TBPL1: variants seen among roughly 807,000 people sequenced by gnomAD.
TBPL1 encodes TATA box-binding protein-like 1.
In TBPL1, 4 loss-of-function variants were observed where a neutral mutation model predicts 22.1. The observed-to-expected ratio is 0.18, with a 90% CI of 0.09 to 0.41. The LOEUF (loss-of-function observed/expected upper bound fraction) is 0.41. Ranked by LOEUF, TBPL1 falls within the 10% of genes least tolerant of loss-of-function variation. TBPL1 has a pLI of 1.00. For missense variants in TBPL1, 115 were observed against 222.3 expected, an observed-to-expected ratio of 0.52 and a Z score of 3.07; for synonymous variants, 64 against 71.0, an observed-to-expected ratio of 0.90 and a Z score of 0.50.
chr6:133,956,502 G>T (rs1310916386), intron 1 of TBPL1, among the ~76,000 whole-genome samples: 1 of 152,160 alleles, frequency 6.6e-6, no homozygotes, highest in East Asian at 1.9e-4. Context: ...CACTATTGGT[G>T]AATGGACTTC....
intron 4 of TBPL1, among the ~76,000 whole-genome samples, chr6:133,983,343 A>C (rs1776449383): frequency 6.6e-6 from 1 of 152,230 alleles, no homozygotes; most frequent in Non-Finnish European, 1.5e-5. Flanking sequence ...TATACCTTTG[A>C]ATAAAACGAT....
chr6:133,980,572 T>C (rs940580733), intron 2 of TBPL1, among the ~76,000 whole-genome samples: 2 of 151,962 alleles, frequency 1.3e-5, no homozygotes, highest in African/African-American at 2.4e-5. Flanking sequence ...AATATGATTA[T>C]ATTTGAATTA....
intron 2 of TBPL1, 97 bp from the exon 3 acceptor site, chr6:133,982,471 T>C: frequency 9.7e-7 from 1 of 1,030,224 alleles, no homozygotes; most frequent in Non-Finnish European, 1.4e-6. Context: ...TTGGATAAGC[T>C]TGGAGAGTAG....
In TBPL1 at chr6:133,984,379, A is replaced by G; in HGVS notation, c.286A>G (p.Ile96Val). The G allele has an allele frequency of 3.1e-6, 5 of 1,606,832 alleles. No individual in the cohort carries two copies. The highest frequency in any genetic ancestry group is 4.2e-6 in the Non-Finnish European group (5 of 1,176,542). The part of the protein sequence containing the change: ...RSLQKLGFQV[I>V]FTDFKVVNVL... Reference sequence around the variant, plus strand: ...GAATTTTACTTCTCTCCTAAAGGTAATATTTACAGATTTTAAGGTTGTTAA... The same window carrying G: ...GAATTTTACTTCTCTCCTAAAGGTAGTATTTACAGATTTTAAGGTTGTTAA... Residue 96 changes from isoleucine (I) to valine (V), a missense_variant, in exon 5 of 7, where the codon ATA becomes GTA. Transcript: ENST00000237264.
At chr6:133,957,649 C>T (rs1420576243) in intron 1 of TBPL1, among the ~76,000 whole-genome samples, 1 of 152,150 alleles carries the variant, frequency 6.6e-6, no homozygotes, top group Non-Finnish European at 1.5e-5. Context: ...TTAAAGAGTA[C>T]GGACTCTGGA....
intron 1 of TBPL1, among the ~76,000 whole-genome samples, chr6:133,970,258 T>G (rs1054003270): frequency 3.3e-5 from 5 of 152,232 alleles, no homozygotes; most frequent in African/African-American, 1.2e-4. Context: ...GCTCACTGTT[T>G]TTATATCTCA....
Position 133,990,342 on chromosome 6 carries a change from A to C in TBPL1, c.*3302A>C, listed in dbSNP as rs1180891019. ...TAATAACTTCAACCTAATTGCTTAG[A>C]GATTTGGATAAATAACCTAATGGCC... On this transcript the variant is annotated 3_prime_UTR_variant, in exon 7 of 7. Coordinates refer to ENST00000237264, the MANE Select transcript of TBPL1 (RefSeq NM_004865.4). The C allele has an allele frequency of 2.0e-5, 3 of 152,636 alleles. No individual in the cohort carries two copies. The highest frequency in any genetic ancestry group is 4.8e-5 in the African/African-American group (2 of 41,450). 9.5% of individuals were successfully genotyped at this position (152,636 alleles called of 1,614,324 possible). A position where few individuals can be genotyped will look rare whatever the true frequency, so the allele number is the denominator to read the frequency against.
At chr6:133,986,450 C>T (rs1776525842) in intron 6 of TBPL1, among the ~76,000 whole-genome samples, 1 of 152,058 alleles carries the variant, frequency 6.6e-6, no homozygotes, top group South Asian at 2.1e-4. Context: ...GGTGAAATGA[C>T]CAGATTGGTA....
At chr6:133,970,782 G>T (rs1776206440) in intron 1 of TBPL1, among the ~76,000 whole-genome samples, 1 of 151,966 alleles carries the variant, frequency 6.6e-6, no homozygotes, top group African/African-American at 2.4e-5. Flanking sequence ...AAAATTTGTT[G>T]TAGAAATTGA....
chr6:133,982,787 G>A (rs1776439420), intron 3 of TBPL1, 30 bp from the exon 4 acceptor site: 1 of 1,605,014 alleles, frequency 6.2e-7, no homozygotes, highest in Non-Finnish European at 8.5e-7. Flanking sequence ...CTGTGTAACT[G>A]ATAATCTTTT....
intron 1 of TBPL1, among the ~76,000 whole-genome samples, chr6:133,957,708 A>G (rs939823234): frequency 1.3e-5 from 2 of 152,236 alleles, no homozygotes; most frequent in Admixed American, 1.3e-4. Context: ...AATTAATGGC[A>G]TGGCCTTAAA....
chr6:133,955,735 T>C (rs1429042457), intron 1 of TBPL1, among the ~76,000 whole-genome samples: 1 of 152,226 alleles, frequency 6.6e-6, no homozygotes, highest in Non-Finnish European at 1.5e-5. Context: ...AAAAAAGTAT[T>C]GTAGAGCCTG....
chr6:133,965,102 G>A (rs1201598523), intron 1 of TBPL1, among the ~76,000 whole-genome samples: 1 of 152,096 alleles, frequency 6.6e-6, no homozygotes, highest in Admixed American at 6.6e-5. Context: ...AGCTACCCTA[G>A]TGAATTAACA....
intron 1 of TBPL1, among the ~76,000 whole-genome samples, chr6:133,953,873 C>T (rs1257121199): frequency 6.6e-6 from 1 of 152,158 alleles, no homozygotes; most frequent in African/African-American, 2.4e-5. Flanking sequence ...ACAGCGGCTT[C>T]TCTAATAGCT....
intron 1 of TBPL1, chr6:133,968,842 G>T (rs937827152): frequency 6.6e-6 from 1 of 152,124 alleles, no homozygotes; most frequent in Non-Finnish European, 1.5e-5. Flanking sequence ...GCTAATTTTT[G>T]TATTTTTGGT....
chr6:133,977,689 A>G (rs1464524990), intron 1 of TBPL1, among the ~76,000 whole-genome samples: 2 of 152,322 alleles, frequency 1.3e-5, no homozygotes, highest in East Asian at 3.9e-4. Flanking sequence ...TATCACAGAA[A>G]TCCAACATGA....
At chr6:133,963,759 G>T (rs569080268) in intron 1 of TBPL1, among the ~76,000 whole-genome samples, 1 of 151,866 alleles carries the variant, frequency 6.6e-6, no homozygotes, top group Admixed American at 6.5e-5. Flanking sequence ...GGCCTGGCGC[G>T]GTGGCTCACG....
chr6:133,966,353 A>T (rs1181673985), intron 1 of TBPL1, among the ~76,000 whole-genome samples: 5 of 152,208 alleles, frequency 3.3e-5, no homozygotes, highest in African/African-American at 1.2e-4. Context: ...ATAAGTATGT[A>T]TAGTAACATT....
intron 3 of TBPL1, 82 bp downstream of exon 3, chr6:133,982,732 A>G: frequency 6.3e-7 from 1 of 1,583,130 alleles, no homozygotes; most frequent in Non-Finnish European, 8.6e-7. Context: ...TAACAGCAAA[A>G]TCATATGTAA....
Sources: allele counts gnomAD v4.1 joint callset (sites outside exome capture counted in the v4.1 genomes callset), GRCh38; gene constraint gnomAD v4.1.1; transcripts MANE v1.5; gene names NCBI Gene and HGNC (gene_info 2026-07-23, HGNC 2026-07-21).